Variants in RMDN2 observed in about 807,000 individuals in gnomAD.
The protein encoded by RMDN2 is regulator of microtubule dynamics 2.
In RMDN2, 61 loss-of-function variants were observed where a neutral mutation model predicts 52.8. That is an observed-to-expected ratio of 1.16 (90% CI 0.94 to 1.43). The LOEUF (loss-of-function observed/expected upper bound fraction) is 1.43, where lower values mean the gene tolerates loss of function less well. Ranked by LOEUF, RMDN2 falls within the 40% of genes most tolerant of loss-of-function variation. The pLI is 0.00. For synonymous variants in RMDN2, 180 were observed against 153.1 expected (o/e 1.18, Z -1.30); for missense variants, 592 against 475.3 (o/e 1.25, Z -2.28).
rs115930528 is a variant in RMDN2 at position 37,942,820 on chromosome 2, C to A, written c.452+13091C>A. On this transcript the variant is annotated intron_variant, in intron 2 of 10. Transcript: ENST00000354545. ...CAGGCACTGTCTGAACTCTGGAGATCTAGCAGGGAACAAAGCAAAGTCTCA... is the reference window on the plus strand; with the variant it reads ...CAGGCACTGTCTGAACTCTGGAGATATAGCAGGGAACAAAGCAAAGTCTCA... 5.4e-3 allele frequency among the ~76,000 whole-genome samples: 816 copies of A among 152,278 alleles called. 7 individuals carry two copies. The highest frequency in any genetic ancestry group is 0.019 in the African/African-American group (775 of 41,550).
chr2:37,977,343 C>G (rs185514677), intron 4 of RMDN2, among the ~76,000 whole-genome samples: 3 of 151,954 alleles, frequency 2.0e-5, no homozygotes, highest in African/African-American at 7.2e-5. Flanking sequence ...CCGTTCTCAA[C>G]GAGCTGTTGG....
chr2:37,921,461 A>G (rs761340490), upstream of RMDN2, among the ~76,000 whole-genome samples: 23 of 152,208 alleles, frequency 1.5e-4, no homozygotes, highest in Non-Finnish European at 3.2e-4. Context: ...ATAAACACAA[A>G]GTAATTTTAT....
chr2:38,001,592 T>C (rs994336239), intron 8 of RMDN2, among the ~76,000 whole-genome samples: 6 of 152,216 alleles, frequency 3.9e-5, no homozygotes, highest in Admixed American at 3.9e-4. Context: ...ATATCCAGAA[T>C]TAGAATGCCA....
chr2:37,945,688 C>T (rs571973708), intron 2 of RMDN2, among the ~76,000 whole-genome samples: 1 of 152,244 alleles, frequency 6.6e-6, no homozygotes, highest in Non-Finnish European at 1.5e-5. Context: ...TAATTTTTTC[C>T]AGATCCTGTC....
At chr2:37,961,544 C>G (rs143901244) in intron 2 of RMDN2, among the ~76,000 whole-genome samples, 1,882 of 151,992 alleles carry the variant, frequency 0.012, 39 homozygotes, top group African/African-American at 0.043. Context: ...TCCATCAGGT[C>G]ATTTATGTTC....
chr2:38,048,079 G>T (rs1681380577), intron 10 of RMDN2, among the ~76,000 whole-genome samples: 1 of 152,172 alleles, frequency 6.6e-6, no homozygotes, highest in African/African-American at 2.4e-5. Flanking sequence ...CAAAGTTTCA[G>T]ATCTATCATT....
chr2:37,941,384 TGAG>T (rs1434932034), intron 2 of RMDN2, among the ~76,000 whole-genome samples: 7 of 152,218 alleles, frequency 4.6e-5, no homozygotes, highest in African/African-American at 1.4e-4. Flanking sequence ...GGGACCCACT[TGAG>T]GAGGCAGTCT....
intron 10 of RMDN2, chr2:38,036,586 T>G (rs142294217): frequency 6.6e-6 from 1 of 152,344 alleles, no homozygotes; most frequent in Non-Finnish European, 1.5e-5. Flanking sequence ...GAATTTACCC[T>G]GTGAGACTTC....
intron 10 of RMDN2, among the ~76,000 whole-genome samples, chr2:38,005,185 A>G (rs1676908369): frequency 6.6e-6 from 1 of 152,256 alleles, no homozygotes; most frequent in South Asian, 2.1e-4. Context: ...TTAAAGCAGC[A>G]TGATTTATAA....
chr2:38,020,175 G>A (rs1283139769), downstream of RMDN2, among the ~76,000 whole-genome samples: 2 of 152,020 alleles, frequency 1.3e-5, no homozygotes, highest in Non-Finnish European at 2.9e-5. Flanking sequence ...CATTTAGTGT[G>A]CACTTTATTT....
intron 2 of RMDN2, among the ~76,000 whole-genome samples, chr2:37,938,001 A>T (rs763160187): frequency 1.3e-5 from 2 of 152,210 alleles, no homozygotes; most frequent in Non-Finnish European, 2.9e-5. Context: ...CCTTTTGCCC[A>T]TTCAATATGA....
At chr2:38,025,510 C>G (rs1013628451) in intron 10 of RMDN2, among the ~76,000 whole-genome samples, 2 of 151,940 alleles carry the variant, frequency 1.3e-5, no homozygotes, top group African/African-American at 4.8e-5. Flanking sequence ...TTCAATACAC[C>G]ATGGAATAGA....
At chr2:37,972,464 G>A in intron 2 of RMDN2, among the ~76,000 whole-genome samples, 1 of 152,174 alleles carries the variant, frequency 6.6e-6, no homozygotes, top group Non-Finnish European at 1.5e-5. Context: ...TGAGCAAGCA[G>A]GAAAGTGATA....
intron 10 of RMDN2, among the ~76,000 whole-genome samples, chr2:38,014,439 C>T (rs1678458784): frequency 1.3e-5 from 2 of 152,154 alleles, no homozygotes; most frequent in African/African-American, 2.4e-5. Context: ...CTTAAAAACA[C>T]TCTAAAGAAG....
chr2:38,024,619 A>C (rs192680070), intron 10 of RMDN2, among the ~76,000 whole-genome samples: 302 of 152,202 alleles, frequency 2.0e-3, no homozygotes, highest in Non-Finnish European at 3.3e-3. Context: ...CCATTATTTA[A>C]ATTGAGACGT....
intron 5 of RMDN2, 120 bp downstream of exon 5, chr2:37,981,463 A>T (rs61676428): frequency 0.23 from 154,166 of 659,998 alleles, 24,801 homozygotes; most frequent in East Asian, 0.73. Context: ...TCACTGAAAA[A>T]TATGTATAAT....
At chr2:38,017,088 TG>T in intron 10 of RMDN2, 97 bp from the exon 11 acceptor site, 1 of 590,128 alleles carries the variant, frequency 1.7e-6, no homozygotes, top group Admixed American at 3.7e-5. Context: ...GTTCTCATGT[TG>T]GGGAATCTCC....
intron 2 of RMDN2, among the ~76,000 whole-genome samples, chr2:37,943,531 A>T (rs1667972163): frequency 1.3e-5 from 2 of 152,244 alleles, no homozygotes; most frequent in African/African-American, 4.8e-5. Context: ...CTAATGAAAG[A>T]TGAGATAATA....
At chr2:38,008,516 C>G (rs1340361034) in intron 10 of RMDN2, among the ~76,000 whole-genome samples, 1 of 152,174 alleles carries the variant, frequency 6.6e-6, no homozygotes, top group Non-Finnish European at 1.5e-5. Flanking sequence ...TTCTCAGAGA[C>G]TGGGATTGCA....
Sources: allele counts gnomAD v4.1 joint callset (sites outside exome capture counted in the v4.1 genomes callset), GRCh38; gene constraint gnomAD v4.1.1; transcripts MANE v1.5; gene names NCBI Gene and HGNC (gene_info 2026-07-23, HGNC 2026-07-21).